The following YWHAB variants were observed in gnomAD, a reference collection of about 807,000 sequenced individuals.
YWHAB encodes the protein tyrosine 3-monooxygenase/tryptophan 5-monooxygenase activation protein beta.
A neutral mutation model predicts 28.5 loss-of-function variants in YWHAB; 2 were observed. The ratio of observed to expected loss-of-function variants is 0.07; its 90% CI spans 0.03 to 0.22. YWHAB has a LOEUF of 0.22. Ranked by LOEUF, YWHAB falls within the 10% of genes least tolerant of loss-of-function variation. YWHAB has a pLI of 1.00. For missense variants in YWHAB, 148 were observed against 297.1 expected (o/e 0.50, Z 3.69); for synonymous variants, 103 against 104.7 (o/e 0.98, Z 0.10).
Position 44,906,649 on chromosome 20 carries a change from G to A in YWHAB, c.*211G>A, listed in dbSNP as rs1241241167. 1.1e-5 allele frequency: 4 copies of A among 375,452 alleles called. No individual in the cohort carries two copies. Among genetic ancestry groups the A allele is most frequent in the Admixed American group, 3.9e-5 (1 of 25,324 alleles). 23.3% of individuals were successfully genotyped at this position (375,452 alleles called of 1,614,324 possible). On this transcript the variant is annotated 3_prime_UTR_variant, in exon 6 of 6. Coordinates refer to ENST00000353703, the MANE Select transcript of YWHAB (RefSeq NM_139323.4). The stretch of plus-strand genomic sequence containing the variant: ...GGTCACATAAATGCCACGGCATTCC[G>A]AAGTTTTGATTTTGATTAACATTGA...
intron 1 of YWHAB, among the ~76,000 whole-genome samples, chr20:44,888,746 AACAATCCAGTTTTTCTAGT>A (rs1394706381): frequency 1.5e-4 from 23 of 152,196 alleles, no homozygotes; most frequent in African/African-American, 5.3e-4. Context: ...CAAGCTTGTG[AACAATCCAGTTTTTCTAGT>A]ACTTGCTTCA....
rs1468292461 is a variant in YWHAB, at chr20:44,885,740, C to T, written c.-150C>T. ...CTACCGCCACCGCCGCCGCCGATTC[C>T]GGAGCCGGGGTAGTCGCCGCCGCCG... On this transcript the variant is annotated 5_prime_UTR_variant, in exon 1 of 6. Coordinates refer to ENST00000353703, the MANE Select transcript of YWHAB (RefSeq NM_139323.4). 4.0e-5 allele frequency: 7 copies of T among 174,732 alleles called. No individual in the cohort carries two copies. The South Asian group carries it at 5.0e-4, about 13-fold the overall frequency. The allele number at this position is 174,732 out of a possible 1,614,324, so 10.8% of individuals were successfully genotyped here. A position where few individuals can be genotyped will look rare whatever the true frequency, so the allele number is the denominator to read the frequency against.
chr20:44,897,847 C>A (rs1206642728), intron 1 of YWHAB, among the ~76,000 whole-genome samples: 1 of 152,182 alleles, frequency 6.6e-6, no homozygotes, highest in Non-Finnish European at 1.5e-5. Flanking sequence ...AATGTTTTAA[C>A]CCAGCAAAAG....
intron 2 of YWHAB, 93 bp from the exon 3 acceptor site, chr20:44,903,900 T>C: frequency 1.4e-6 from 2 of 1,431,220 alleles, no homozygotes; most frequent in Non-Finnish European, 1.9e-6. Flanking sequence ...TTCCAAAAAA[T>C]TATTTAGAAG....
intron 3 of YWHAB, among the ~76,000 whole-genome samples, chr20:44,904,703 T>G (rs544051153): frequency 6.6e-6 from 1 of 152,356 alleles, no homozygotes; most frequent in South Asian, 2.1e-4. Flanking sequence ...GTTTTTCACA[T>G]TCTATATTGT....
Position 44,906,490 on chromosome 20 carries a change from T to C in YWHAB, c.*52T>C, listed in dbSNP as rs375543853. 1 of 1,098,190 alleles carries C rather than the reference T, an allele frequency of 9.1e-7. No individual in the cohort carries two copies. Among genetic ancestry groups the C allele is most frequent in the African/African-American group, 1.7e-5 (1 of 58,400 alleles). 68.0% of individuals were successfully genotyped at this position (1,098,190 alleles called of 1,614,324 possible). ...AGTGTCACTCTGTACCCTCAACATA[T>C]ATCCCTTGTGCGATAAAAAAAAAAA... is the stretch of plus-strand genomic sequence containing the variant. On this transcript the variant is annotated 3_prime_UTR_variant, in exon 6 of 6. Coordinates refer to ENST00000353703, the MANE Select transcript of YWHAB (RefSeq NM_139323.4).
At chr20:44,905,906 A>G (rs913992775) in intron 4 of YWHAB, 95 bp from the exon 5 acceptor site, 10 of 903,868 alleles carry the variant, frequency 1.1e-5, no homozygotes, top group Non-Finnish European at 1.6e-5. Context: ...AGTACTGTAC[A>G]AGAAGATAAG....
chr20:44,893,916 C>T (rs760587622), intron 1 of YWHAB, among the ~76,000 whole-genome samples: 3 of 152,164 alleles, frequency 2.0e-5, no homozygotes, highest in East Asian at 1.9e-4. Flanking sequence ...ACGCTGGTCT[C>T]GAACTCCTGA....
Position 44,899,853 on chromosome 20 carries a change from T to C in YWHAB, c.-3-1678T>C, listed in dbSNP as rs1022845495. ...AAACTTTAAATGAACTCAGTTATGG[T>C]TCAGATGAATTCAGTTATGGTTTCA... On this transcript the variant is annotated intron_variant, in intron 1 of 5. Transcript: ENST00000353703. Among the ~76,000 whole-genome samples the C allele has an allele frequency of 3.4e-4, 52 of 152,232 alleles. 1 individual carries two copies. The highest frequency in any genetic ancestry group is 1.3e-3 in the African/African-American group (52 of 41,456).
At chr20:44,900,991 G>A (rs1384694426) in intron 1 of YWHAB, among the ~76,000 whole-genome samples, 1 of 152,134 alleles carries the variant, frequency 6.6e-6, no homozygotes, top group Non-Finnish European at 1.5e-5. Context: ...GGTCAGGCTG[G>A]TCTCGAACTC....
In YWHAB at chr20:44,907,944, C is replaced by G. The variant is rs972104570; in HGVS notation, c.*1506C>G. The G allele has an allele frequency of 6.6e-6, 1 of 152,576 alleles. No individual in the cohort carries two copies. The highest frequency in any genetic ancestry group is 2.4e-5 in the African/African-American group (1 of 41,454). 9.5% of individuals were successfully genotyped at this position (152,576 alleles called of 1,614,324 possible). ...TGTCACCAGGTCTCCCAAGTGCACT[C>G]ATCCAGGTCAGTGCTCAGATGTGTT... is the stretch of plus-strand genomic sequence containing the variant. On this transcript the variant is annotated 3_prime_UTR_variant, in exon 6 of 6. Coordinates refer to ENST00000353703, the MANE Select transcript of YWHAB (RefSeq NM_139323.4).
chr20:44,902,073 CAG>C, intron 2 of YWHAB: 1 of 406,160 alleles, frequency 2.5e-6, no homozygotes, highest in East Asian at 3.9e-5. Flanking sequence ...CTGTGAAAAA[CAG>C]TGACATTTTT....
At chr20:44,898,372 T>A (rs1192908166) in intron 1 of YWHAB, among the ~76,000 whole-genome samples, 1 of 152,180 alleles carries the variant, frequency 6.6e-6, no homozygotes, top group Non-Finnish European at 1.5e-5. Context: ...TCACCTAGAT[T>A]TTGAGTGTAT....
At chr20:44,890,707 C>T (rs1176265686) in intron 1 of YWHAB, among the ~76,000 whole-genome samples, 1 of 151,862 alleles carries the variant, frequency 6.6e-6, no homozygotes, top group Non-Finnish European at 1.5e-5. Flanking sequence ...GACAGGGTTT[C>T]GCCATCTTGG....
rs1475509778 is a variant in YWHAB, at chr20:44,907,613, C to G, written c.*1175C>G. ...CTTTTTGACTGTTGACCTTGGTTTTCTCTTCTAAGTTTCTGTCCCTCTGCT... is the reference window on the plus strand; with the variant it reads ...CTTTTTGACTGTTGACCTTGGTTTTGTCTTCTAAGTTTCTGTCCCTCTGCT... On this transcript the variant is annotated 3_prime_UTR_variant, in exon 6 of 6. Transcript: ENST00000353703. The G allele has an allele frequency of 6.6e-6, 1 of 152,116 alleles. No individual in the cohort carries two copies. Among genetic ancestry groups the G allele is most frequent in the Non-Finnish European group, 1.5e-5 (1 of 68,032 alleles). 9.4% of individuals were successfully genotyped at this position (152,116 alleles called of 1,614,324 possible).
intron 3 of YWHAB, among the ~76,000 whole-genome samples, chr20:44,904,329 C>T (rs1388627336): frequency 6.6e-6 from 1 of 152,110 alleles, no homozygotes; most frequent in Non-Finnish European, 1.5e-5. Context: ...AAACCTGGTG[C>T]GCAGTGTATT....
chr20:44,906,024 A>G lies in YWHAB; in HGVS notation c.612A>G (p.Glu204=). ...AKTAFDEAIA[E]LDTLNEESYK... is the part of the protein sequence containing the mutation. ...AGGCATTTGATGAAGCAATTGCTGA[A>G]TTGGATACGCTGAATGAAGAGTCTT... The change falls in exon 5 of 6, where the codon GAA becomes GAG. Residue 204 remains glutamate, a synonymous_variant. Transcript: ENST00000353703. The G allele has an allele frequency of 6.2e-7, 1 of 1,613,516 alleles. No homozygotes were observed. The highest frequency in any genetic ancestry group is 1.7e-4 in the Middle Eastern group (1 of 6,052).
intron 2 of YWHAB, chr20:44,902,338 T>G (rs1278823883): frequency 6.5e-6 from 1 of 153,368 alleles, no homozygotes; most frequent in Non-Finnish European, 1.5e-5. Context: ...CAAAGTGTTT[T>G]GGGCATTCTC....
intron 4 of YWHAB, 196 bp downstream of exon 4, chr20:44,905,327 T>G: frequency 2.1e-6 from 1 of 486,880 alleles, no homozygotes; most frequent in Admixed American, 4.1e-5. Context: ...CTGACTTTGT[T>G]TGATTACTGT....
Sources: allele counts gnomAD v4.1 joint callset (sites outside exome capture counted in the v4.1 genomes callset), GRCh38; gene constraint gnomAD v4.1.1; transcripts MANE v1.5; gene names NCBI Gene and HGNC (gene_info 2026-07-23, HGNC 2026-07-21).